Variants in MIGA1 observed in about 807,000 individuals in gnomAD.
MIGA1 encodes mitoguardin 1.
A neutral mutation model predicts 82.0 loss-of-function variants in MIGA1; 58 were observed. The observed-to-expected ratio is 0.71, with a 90% CI of 0.57 to 0.88. MIGA1 has a LOEUF of 0.88. Among genes scored for constraint, MIGA1 ranks in the 40% least tolerant of loss-of-function variants. The pLI, the probability that MIGA1 is intolerant of heterozygous loss-of-function variation, is 0.00. For missense variants in MIGA1, 751 were observed against 749.1 expected (o/e 1.00, Z -0.03); for synonymous variants, 249 against 253.6 (o/e 0.98, Z 0.17).
chr1:77,806,880 T>A, intron 4 of MIGA1, 95 bp from the exon 5 acceptor site: 1 of 858,806 alleles, frequency 1.2e-6, no homozygotes, highest in Non-Finnish European at 1.8e-6. Context: ...GTCTTACCAC[T>A]AATAGGATTT....
In MIGA1 at chr1:77,872,996, C is replaced by A. The variant is rs1284907586; in HGVS notation, c.1564-8C>A. On this transcript the variant is annotated splice_polypyrimidine_tract_variant and splice_region_variant and intron_variant, in intron 14 of 15. Coordinates refer to ENST00000370791, the MANE Select transcript of MIGA1 (RefSeq NM_198549.4). ...GAAGTAACTTGATTCTCCTTTACTT[C>A]CCAGCAGATCCCAGATGGATTTTTT... 6.2e-7 allele frequency: 1 copy of A among 1,613,802 alleles called. No individual in the cohort carries two copies.
At chr1:77,792,619 AT>A (rs1284364373) in intron 2 of MIGA1, among the ~76,000 whole-genome samples, 3 of 152,222 alleles carry the variant, frequency 2.0e-5, no homozygotes, top group Non-Finnish European at 4.4e-5. Context: ...AGTTACACTA[AT>A]AGTTTTGTAC....
At chr1:77,783,003 G>C in intron 1 of MIGA1, 1 of 381,954 alleles carries the variant, frequency 2.6e-6, no homozygotes, top group Non-Finnish European at 3.6e-6. Context: ...TTTAAATCTA[G>C]CTTTTTTTTT....
chr1:77,807,855 C>G (rs551644030), intron 5 of MIGA1, among the ~76,000 whole-genome samples: 58 of 152,078 alleles, frequency 3.8e-4, no homozygotes, highest in Non-Finnish European at 7.8e-4. Context: ...GAGTCTCACT[C>G]TCGCCCAGGC....
chr1:77,811,864 G>A lies in MIGA1; in HGVS notation c.638-1870G>A, dbSNP rs1384572632. On this transcript the variant is annotated intron_variant, in intron 5 of 15. Coordinates refer to ENST00000370791, the MANE Select transcript of MIGA1 (RefSeq NM_198549.4). ...CGCCATCCTCCCCCGGCCTGGCCCC[G>A]ACATTAACAGGGCCAGGAGGAACCG... 1.2e-5 allele frequency: 17 copies of A among 1,428,972 alleles called. No homozygotes were observed. The South Asian group carries it at 1.3e-4, about 11-fold the overall frequency. 88.5% of individuals were successfully genotyped at this position (1,428,972 alleles called of 1,614,324 possible).
chr1:77,851,559 A>G (rs558072271), intron 8 of MIGA1, among the ~76,000 whole-genome samples: 4 of 152,348 alleles, frequency 2.6e-5, no homozygotes, highest in Admixed American at 6.5e-5. Context: ...ATTTCAACCA[A>G]TGTTTTAATG....
At position 77,801,507 on chromosome 1, in the gene MIGA1, A is replaced by G. The variant is rs1682882963; in HGVS notation, c.372A>G (p.Lys124=). The G allele has an allele frequency of 5.0e-6, 8 of 1,592,572 alleles. No homozygotes were observed. The highest frequency in any genetic ancestry group is 6.8e-6 in the Non-Finnish European group (8 of 1,175,666). The stretch of plus-strand genomic sequence containing the variant: ...ACACTAAAAGAGCAGCATCAGACAA[A>G]GGTATGTGGAAATAGTTGAAGTAAG... The change falls in exon 3 of 16, where the codon AAA becomes AAG. Residue 124 remains lysine (K), a splice_region_variant and synonymous_variant. Coordinates refer to ENST00000370791, the MANE Select transcript of MIGA1 (RefSeq NM_198549.4).
intron 1 of MIGA1, among the ~76,000 whole-genome samples, chr1:77,781,201 G>A (rs1681901569): frequency 6.6e-6 from 1 of 152,032 alleles, no homozygotes; most frequent in Non-Finnish European, 1.5e-5. Flanking sequence ...GAGCCACCAC[G>A]CCTGGCCGAG....
chr1:77,792,067 G>A (rs556586928), intron 2 of MIGA1, among the ~76,000 whole-genome samples: 15 of 152,234 alleles, frequency 9.9e-5, no homozygotes, highest in South Asian at 4.2e-4. Flanking sequence ...ACATGAGAAA[G>A]AAAGAGTGGT....
chr1:77,804,700 G>C (rs1683019922), intron 4 of MIGA1, among the ~76,000 whole-genome samples: 1 of 150,822 alleles, frequency 6.6e-6, no homozygotes, highest in Non-Finnish European at 1.5e-5. Context: ...CTGGAACTCA[G>C]CTCATTGCAA....
At chr1:77,804,109 T>A (rs1682995799) in intron 4 of MIGA1, among the ~76,000 whole-genome samples, 1 of 152,132 alleles carries the variant, frequency 6.6e-6, no homozygotes, top group Non-Finnish European at 1.5e-5. Flanking sequence ...AAGAATTAGC[T>A]GTTCTTCAAG....
At chr1:77,807,560 A>C (rs896637154) in intron 5 of MIGA1, among the ~76,000 whole-genome samples, 5 of 152,118 alleles carry the variant, frequency 3.3e-5, no homozygotes, top group African/African-American at 1.2e-4. Context: ...AACGTCATAC[A>C]TTGTGTTAGT....
intron 2 of MIGA1, among the ~76,000 whole-genome samples, chr1:77,791,243 TAAAAAAAAAA>T (rs757682711): frequency 8.6e-6 from 1 of 116,942 alleles, no homozygotes; most frequent in Admixed American, 9.3e-5. Flanking sequence ...CCCTGTCTCT[TAAAAAAAAAA>T]AAAAAAAAAA....
At chr1:77,823,955 A>C (rs1471792067) in intron 7 of MIGA1, among the ~76,000 whole-genome samples, 2 of 152,180 alleles carry the variant, frequency 1.3e-5, no homozygotes, top group East Asian at 3.8e-4. Flanking sequence ...GTTTATACGC[A>C]TGGGAACTTC....
At position 77,846,864 on chromosome 1, in the gene MIGA1, G is replaced by A. The variant is rs150511101; in HGVS notation, c.996+3457G>A. Among the ~76,000 whole-genome samples the A allele has an allele frequency of 4.1e-3, 624 of 152,098 alleles. 6 individuals are homozygous for A. Among genetic ancestry groups the A allele is most frequent in the African/African-American group, 0.014 (586 of 41,510 alleles). ...CAGGAGGCTGAGGCAGGAGAATGGC[G>A]TGAACCTGGGAGGTGGAGCTTGCAA... On this transcript the variant is annotated intron_variant, in intron 8 of 15. Coordinates refer to ENST00000370791, the MANE Select transcript of MIGA1 (RefSeq NM_198549.4).
chr1:77,811,681 T>C, intron 5 of MIGA1: 4 of 1,611,946 alleles, frequency 2.5e-6, no homozygotes, highest in Non-Finnish European at 3.4e-6. Context: ...TATCTGATAC[T>C]CGTCTATCGC....
At chr1:77,866,064 C>T (rs968963722) in intron 13 of MIGA1, among the ~76,000 whole-genome samples, 8 of 152,064 alleles carry the variant, frequency 5.3e-5, no homozygotes, top group African/African-American at 1.7e-4. Context: ...AGGCATGCGC[C>T]ACCATGCCCA....
intron 14 of MIGA1, among the ~76,000 whole-genome samples, chr1:77,867,589 A>G (rs1216610991): frequency 3.3e-5 from 5 of 152,118 alleles, no homozygotes; most frequent in African/African-American, 1.2e-4. Context: ...CGGCCTCCCA[A>G]AGTGTTGGGA....
intron 2 of MIGA1, among the ~76,000 whole-genome samples, chr1:77,800,056 T>C (rs1682812775): frequency 6.6e-6 from 1 of 152,158 alleles, no homozygotes; most frequent in South Asian, 2.1e-4. Flanking sequence ...TAAAGATGCA[T>C]CCACAGTTTA....
Sources: allele counts gnomAD v4.1 joint callset (sites outside exome capture counted in the v4.1 genomes callset), GRCh38; gene constraint gnomAD v4.1.1; transcripts MANE v1.5; gene names NCBI Gene and HGNC (gene_info 2026-07-23, HGNC 2026-07-21).